Variants in CSNK2A2IP observed in about 807,000 individuals in gnomAD.
CSNK2A2IP encodes the protein casein kinase 2 subunit alpha' interacting protein, also known as casein kinase II subunit alpha'-interacting protein.
At chr3:88,382,097 A>G in the CSNK2A2IP span, among the ~76,000 whole-genome samples, 2 of 152,198 alleles carry the variant, frequency 1.3e-5, no homozygotes. Context: ...TTCCTGCAGC[A>G]TGAAGAGTTT....
At chr3:88,462,217 G>A in the CSNK2A2IP span, among the ~76,000 whole-genome samples, 9 of 151,628 alleles carry the variant, frequency 5.9e-5, no homozygotes, top group African/African-American at 1.9e-4. Flanking sequence ...GAGGTCTTAA[G>A]TTTATCAACT....
chr3:88,349,774 C>T, the CSNK2A2IP span, among the ~76,000 whole-genome samples: 1 of 152,112 alleles, frequency 6.6e-6, no homozygotes, highest in East Asian at 1.9e-4. Context: ...GTTCCCTTTT[C>T]ACCACATCCA....
chr3:88,372,977 T>C, the CSNK2A2IP span, among the ~76,000 whole-genome samples: 1 of 151,354 alleles, frequency 6.6e-6, no homozygotes, highest in Non-Finnish European at 1.5e-5. Context: ...ACCTGCAAAA[T>C]ACTTGAAGAA....
the CSNK2A2IP span, among the ~76,000 whole-genome samples, chr3:88,398,135 C>T: frequency 6.6e-6 from 1 of 152,002 alleles, no homozygotes; most frequent in African/African-American, 2.4e-5. Context: ...ATTAAATGCC[C>T]TAATGTAGAA....
chr3:88,422,731 G>A, the CSNK2A2IP span, among the ~76,000 whole-genome samples: 832 of 152,226 alleles, frequency 5.5e-3, 4 homozygotes, highest in Middle Eastern at 0.01. Flanking sequence ...TAAATTACTA[G>A]AAGCCCTAGT....
the CSNK2A2IP span, among the ~76,000 whole-genome samples, chr3:88,453,973 G>A: frequency 2.9e-3 from 439 of 152,094 alleles, 2 homozygotes; most frequent in African/African-American, 9.9e-3. Flanking sequence ...GCTAGATTAT[G>A]TGGTACATGT....
the CSNK2A2IP span, among the ~76,000 whole-genome samples, chr3:88,404,522 A>C: frequency 6.6e-6 from 1 of 152,106 alleles, no homozygotes; most frequent in African/African-American, 2.4e-5. Flanking sequence ...TTAAACTTTA[A>C]TCTGTTTAAC....
At chr3:88,414,645 C>G in the CSNK2A2IP span, among the ~76,000 whole-genome samples, 1 of 151,724 alleles carries the variant, frequency 6.6e-6, no homozygotes, top group Non-Finnish European at 1.5e-5. Context: ...GATATGTTTC[C>G]TCATATTTAG....
the CSNK2A2IP span, among the ~76,000 whole-genome samples, chr3:88,368,570 T>A: frequency 1.8e-4 from 28 of 152,114 alleles, no homozygotes; most frequent in African/African-American, 6.3e-4. Context: ...AGAATGCCAG[T>A]ATGATTTCCT....
the CSNK2A2IP span, among the ~76,000 whole-genome samples, chr3:88,354,291 G>T: frequency 2.0e-5 from 3 of 152,132 alleles, no homozygotes; most frequent in Admixed American, 2.0e-4. Context: ...TAGAATATGG[G>T]TAAGAGTGCT....
chr3:88,460,872 G>A, the CSNK2A2IP span, among the ~76,000 whole-genome samples: 44,909 of 151,912 alleles, frequency 0.3, 7,341 homozygotes, highest in East Asian at 0.48. Context: ...TAGATCACCC[G>A]AAGTCAGGAG....
the CSNK2A2IP span, among the ~76,000 whole-genome samples, chr3:88,348,885 G>T: frequency 6.6e-6 from 1 of 151,916 alleles, no homozygotes; most frequent in Non-Finnish European, 1.5e-5. Flanking sequence ...TATGCTTGTG[G>T]ATATATCCAA....
At chr3:88,455,033 C>G in the CSNK2A2IP span, among the ~76,000 whole-genome samples, 5 of 151,810 alleles carry the variant, frequency 3.3e-5, no homozygotes, top group African/African-American at 1.2e-4. Flanking sequence ...GTCTTCTGGC[C>G]TTATCCATGT....
the CSNK2A2IP span, among the ~76,000 whole-genome samples, chr3:88,457,525 G>A: frequency 3.7e-3 from 558 of 151,702 alleles, 2 homozygotes; most frequent in African/African-American, 0.012. Context: ...GTGAAACCCA[G>A]TCTCTACTAA....
chr3:88,445,946 C>CTT, the CSNK2A2IP span, among the ~76,000 whole-genome samples: 3 of 102,858 alleles, frequency 2.9e-5, no homozygotes, highest in African/African-American at 6.1e-5. Flanking sequence ...TTCTTTCTTT[C>CTT]TCTCTCTCTC....
chr3:88,423,961 G>C, the CSNK2A2IP span, among the ~76,000 whole-genome samples: 2 of 152,080 alleles, frequency 1.3e-5, no homozygotes, highest in Non-Finnish European at 2.9e-5. Flanking sequence ...ACTTATTATA[G>C]GAGATATTTA....
chr3:88,355,241 A>G, the CSNK2A2IP span, among the ~76,000 whole-genome samples: 1 of 152,134 alleles, frequency 6.6e-6, no homozygotes, highest in South Asian at 2.1e-4. Context: ...TTGAGTTTAG[A>G]CTATAATTTC....
the CSNK2A2IP span, among the ~76,000 whole-genome samples, chr3:88,398,773 T>C: frequency 3.9e-5 from 6 of 152,182 alleles, no homozygotes. Context: ...GAGCCTTATA[T>C]AGGGAGACAG....
chr3:88,421,405 T>C, the CSNK2A2IP span, among the ~76,000 whole-genome samples: 4 of 152,140 alleles, frequency 2.6e-5, no homozygotes, highest in African/African-American at 9.7e-5. Flanking sequence ...TGTATGATTT[T>C]CTTTTATATT....
Sources: allele counts gnomAD v4.1 joint callset (sites outside exome capture counted in the v4.1 genomes callset), GRCh38; gene constraint gnomAD v4.1.1; transcripts MANE v1.5; gene names NCBI Gene and HGNC (gene_info 2026-07-23, HGNC 2026-07-21).